LDB2: variants seen among roughly 807,000 people sequenced by gnomAD.
LDB2 encodes LIM domain binding 2, also known as LIM domain-binding protein 2.
A neutral mutation model predicts 44.3 loss-of-function variants in LDB2; 12 were observed. The observed-to-expected ratio is 0.27, with a 90% confidence interval of 0.17 to 0.44. LDB2 has a LOEUF of 0.44. Ranked by LOEUF, LDB2 falls within the 20% of genes least tolerant of loss-of-function variation. The pLI is 1.00. For missense variants in LDB2, 344 were observed against 473.5 expected (o/e 0.73, Z 2.54); for synonymous variants, 164 against 174.8 (o/e 0.94, Z 0.49).
chr4:16,799,134 T>C (rs935041252), intron 1 of LDB2, among the ~76,000 whole-genome samples: 1 of 152,204 alleles, frequency 6.6e-6, no homozygotes, highest in Non-Finnish European at 1.5e-5. Flanking sequence ...ATTACAGGCA[T>C]GAGCCACCGC....
intron 1 of LDB2, among the ~76,000 whole-genome samples, chr4:16,773,508 C>T (rs901827313): frequency 1.1e-4 from 17 of 152,100 alleles, no homozygotes; most frequent in African/African-American, 4.1e-4. Flanking sequence ...CTCGATCCCT[C>T]GCATGCACAG....
intron 5 of LDB2, among the ~76,000 whole-genome samples, chr4:16,579,834 C>G (rs1713593058): frequency 6.6e-6 from 1 of 152,168 alleles, no homozygotes; most frequent in Admixed American, 6.5e-5. Context: ...CAAGAGATAT[C>G]TACTGGGTAC....
chr4:16,540,303 A>G (rs1262465466), intron 5 of LDB2, among the ~76,000 whole-genome samples: 1 of 152,182 alleles, frequency 6.6e-6, no homozygotes, highest in Non-Finnish European at 1.5e-5. Flanking sequence ...CTTTACCCTG[A>G]TACTGCAACC....
chr4:16,781,098 A>C (rs547980253), intron 1 of LDB2, among the ~76,000 whole-genome samples: 2 of 152,218 alleles, frequency 1.3e-5, no homozygotes, highest in East Asian at 3.9e-4. Context: ...GACTTCAGGG[A>C]CTTTGGTTCC....
intron 1 of LDB2, among the ~76,000 whole-genome samples, chr4:16,829,672 AGGAG>A (rs1783712502): frequency 6.6e-6 from 1 of 152,198 alleles, no homozygotes; most frequent in Non-Finnish European, 1.5e-5. Context: ...CATAAGTAAA[AGGAG>A]GTGATGTCAC....
chr4:16,569,628 G>A (rs1034485366), intron 5 of LDB2, among the ~76,000 whole-genome samples: 2 of 152,084 alleles, frequency 1.3e-5, no homozygotes, highest in African/African-American at 4.8e-5. Context: ...TCCTATACCA[G>A]TAGGCAGATA....
At chr4:16,771,432 A>C (rs1404033897) in intron 1 of LDB2, among the ~76,000 whole-genome samples, 1 of 152,186 alleles carries the variant, frequency 6.6e-6, no homozygotes, top group Non-Finnish European at 1.5e-5. Flanking sequence ...TTACAGCTCC[A>C]AACTTCTCCC....
intron 5 of LDB2, among the ~76,000 whole-genome samples, chr4:16,554,286 G>T (rs1252580195): frequency 6.6e-6 from 1 of 152,122 alleles, no homozygotes; most frequent in Non-Finnish European, 1.5e-5. Flanking sequence ...CCAGCCTCAG[G>T]TGATCCACCC....
intron 2 of LDB2, among the ~76,000 whole-genome samples, chr4:16,680,690 G>A (rs867575961): frequency 2.6e-5 from 4 of 152,234 alleles, no homozygotes; most frequent in Middle Eastern, 6.8e-3. Flanking sequence ...CCAAAGCCAC[G>A]CTCATATTCA....
intron 1 of LDB2, among the ~76,000 whole-genome samples, chr4:16,828,970 TGAA>T (rs1783565015): frequency 1.3e-5 from 2 of 152,200 alleles, no homozygotes; most frequent in East Asian, 3.8e-4. Context: ...AATGCGTGGC[TGAA>T]GAAGATGGGT....
intron 1 of LDB2, among the ~76,000 whole-genome samples, chr4:16,841,093 G>A (rs12503223): frequency 0.18 from 27,061 of 152,032 alleles, 2,893 homozygotes; most frequent in Non-Finnish European, 0.23. Flanking sequence ...ACATATGCCC[G>A]GACTTATCTA....
intron 7 of LDB2, chr4:16,505,991 G>A (rs1338546881): frequency 1.3e-6 from 2 of 1,550,674 alleles, no homozygotes; most frequent in Non-Finnish European, 1.7e-6. Flanking sequence ...CCCTGCTCAT[G>A]GAGTGAGAAG....
intron 1 of LDB2, among the ~76,000 whole-genome samples, chr4:16,859,727 C>A (rs191480847): frequency 1.3e-5 from 2 of 152,228 alleles, no homozygotes; most frequent in East Asian, 3.9e-4. Flanking sequence ...TTTTCAAGGG[C>A]CACACAATCA....
chr4:16,708,328 T>C (rs753181092), intron 2 of LDB2, among the ~76,000 whole-genome samples: 4 of 152,024 alleles, frequency 2.6e-5, no homozygotes, highest in Admixed American at 2.0e-4. Context: ...AAAAAATTAA[T>C]AAATAAATTT....
At chr4:16,776,298 G>A (rs1408412961) in intron 1 of LDB2, among the ~76,000 whole-genome samples, 3 of 152,304 alleles carry the variant, frequency 2.0e-5, no homozygotes, top group Non-Finnish European at 4.4e-5. Context: ...AACACTCACT[G>A]CTTTAGGAAT....
intron 1 of LDB2, among the ~76,000 whole-genome samples, chr4:16,853,040 T>A (rs2110198641): frequency 6.6e-6 from 1 of 152,300 alleles, no homozygotes; most frequent in Non-Finnish European, 1.5e-5. Context: ...GAAAATACCA[T>A]CACGTTTTCA....
chr4:16,791,551 G>T (rs1421952715), intron 1 of LDB2, among the ~76,000 whole-genome samples: 1 of 4,254 alleles, frequency 2.4e-4, no homozygotes, highest in African/African-American at 9.6e-4. Context: ...CGAGACTCTG[G>T]CTCAGAAAAA....
chr4:16,855,244 T>C (rs116482486), intron 1 of LDB2, among the ~76,000 whole-genome samples: 325 of 152,206 alleles, frequency 2.1e-3, no homozygotes, highest in African/African-American at 6.9e-3. Context: ...AAAACTGGGG[T>C]TCCTTAGCAC....
intron 1 of LDB2, among the ~76,000 whole-genome samples, chr4:16,759,683 C>T (rs1767469244): frequency 6.6e-6 from 1 of 152,002 alleles, no homozygotes; most frequent in African/African-American, 2.4e-5. Context: ...ACATAATTTT[C>T]ATACATAATT....
Sources: allele counts gnomAD v4.1 joint callset (sites outside exome capture counted in the v4.1 genomes callset), GRCh38; gene constraint gnomAD v4.1.1; transcripts MANE v1.5; gene names NCBI Gene and HGNC (gene_info 2026-07-23, HGNC 2026-07-21).